TENM3: variants seen among roughly 807,000 people sequenced by gnomAD.
The protein encoded by TENM3 is teneurin transmembrane protein 3, also known as teneurin-3.
A neutral mutation model predicts 255.1 loss-of-function variants in TENM3; 63 were observed. The ratio of observed to expected loss-of-function variants is 0.25; its 90% CI spans 0.20 to 0.30. The LOEUF is 0.30. Among genes scored for constraint, TENM3 ranks in the 10% least tolerant of loss-of-function variants. TENM3 has a pLI of 1.00. For missense variants in TENM3, 2,929 were observed against 3,461.1 expected, an observed-to-expected ratio of 0.85 and a Z score of 3.86; for synonymous variants, 1,306 against 1,322.3, an observed-to-expected ratio of 0.99 and a Z score of 0.27.
At chr4:182,347,062 T>A in intron 3 of TENM3, 133 bp downstream of exon 3, 1 of 867,346 alleles carries the variant, frequency 1.2e-6, no homozygotes, top group South Asian at 2.0e-5. Flanking sequence ...TGTCCATTTC[T>A]TTTTGTTTTA....
At chr4:181,806,164 C>G in the TENM3 span, among the ~76,000 whole-genome samples, 1 of 152,160 alleles carries the variant, frequency 6.6e-6, no homozygotes, top group African/African-American at 2.4e-5. Context: ...ATCAATAATT[C>G]GCAGTTTGCT....
the TENM3 span, among the ~76,000 whole-genome samples, chr4:181,979,107 T>G: frequency 7.1e-5 from 1 of 14,038 alleles, no homozygotes; most frequent in Non-Finnish European, 1.5e-4. Context: ...CATATATATA[T>G]ATATATATAT....
the TENM3 span, among the ~76,000 whole-genome samples, chr4:181,741,144 G>T: frequency 6.6e-6 from 1 of 152,126 alleles, no homozygotes; most frequent in Non-Finnish European, 1.5e-5. Flanking sequence ...GAAGCCCAGC[G>T]TCCAATACAA....
chr4:181,717,524 A>C, the TENM3 span, among the ~76,000 whole-genome samples: 5 of 152,242 alleles, frequency 3.3e-5, no homozygotes, highest in Admixed American at 6.5e-5. Context: ...AGCACATTAT[A>C]GTGCCTGCCT....
chr4:182,717,828 G>C (rs548198211), intron 13 of TENM3, among the ~76,000 whole-genome samples: 1 of 152,328 alleles, frequency 6.6e-6, no homozygotes, highest in Non-Finnish European at 1.5e-5. Context: ...CAACAGTCCT[G>C]TAAATTGAGC....
At chr4:182,325,592 A>G (rs1233573383) in intron 2 of TENM3, among the ~76,000 whole-genome samples, 1 of 152,128 alleles carries the variant, frequency 6.6e-6, no homozygotes, top group African/African-American at 2.4e-5. Context: ...TTTTTTTCAT[A>G]TTGTCTGCAC....
intron 13 of TENM3, among the ~76,000 whole-genome samples, chr4:182,725,257 T>A (rs1760072083): frequency 6.6e-6 from 1 of 152,128 alleles, no homozygotes. Flanking sequence ...CAGGCCTGTC[T>A]TGAATTACTG....
the TENM3 span, among the ~76,000 whole-genome samples, chr4:181,589,551 TA>T: frequency 2.6e-5 from 4 of 152,126 alleles, no homozygotes; most frequent in African/African-American, 9.7e-5. Flanking sequence ...CTATAATGTT[TA>T]GGGGGGGCAA....
chr4:182,293,294 C>T (rs1395401762), intron 1 of TENM3, among the ~76,000 whole-genome samples: 2 of 152,192 alleles, frequency 1.3e-5, no homozygotes, highest in African/African-American at 4.8e-5. Context: ...AAACCAGCCT[C>T]CATCCAAACC....
At chr4:182,447,156 G>C (rs1772989688) in intron 3 of TENM3, among the ~76,000 whole-genome samples, 1 of 152,024 alleles carries the variant, frequency 6.6e-6, no homozygotes, top group South Asian at 2.1e-4. Flanking sequence ...TCTTCATAGT[G>C]TCCCAATTAA....
chr4:181,612,187 G>A, the TENM3 span, among the ~76,000 whole-genome samples: 4 of 152,148 alleles, frequency 2.6e-5, no homozygotes, highest in African/African-American at 9.7e-5. Context: ...TTTCAGAGAT[G>A]AGGGTCCCCT....
chr4:182,639,058 CAA>C (rs1752082194), intron 5 of TENM3, among the ~76,000 whole-genome samples: 1 of 152,126 alleles, frequency 6.6e-6, no homozygotes, highest in Admixed American at 6.5e-5. Flanking sequence ...TTTCTAATAT[CAA>C]AGTCAATTTC....
At chr4:182,493,745 A>C (rs1274584583) in intron 3 of TENM3, among the ~76,000 whole-genome samples, 1 of 152,152 alleles carries the variant, frequency 6.6e-6, no homozygotes, top group Non-Finnish European at 1.5e-5. Flanking sequence ...CGCTATATAC[A>C]TTAATGCTAA....
the TENM3 span, among the ~76,000 whole-genome samples, chr4:182,080,052 G>A: frequency 1.4e-4 from 21 of 152,272 alleles, no homozygotes; most frequent in East Asian, 1.5e-3. Flanking sequence ...CAATCCACTC[G>A]TCTTAACCAT....
chr4:182,346,797 T>TC lies in TENM3; in HGVS notation c.383dup (p.Glu129ArgfsTer41). ...TGATACTGAAAATGAAGCAGTGATG[T>TC]CCCCAGAGCATGCCATGAGACTTTG... On this transcript the variant is annotated frameshift_variant, in exon 3 of 28. Coordinates refer to ENST00000511685, the MANE Select transcript of TENM3 (RefSeq NM_001080477.4). LOFTEE classifies it high-confidence loss of function. 6.2e-7 allele frequency: 1 copy of TC among 1,613,554 alleles called. No individual in the cohort carries two copies. The highest frequency in any genetic ancestry group is 8.5e-7 in the Non-Finnish European group (1 of 1,179,738).
intron 5 of TENM3, among the ~76,000 whole-genome samples, chr4:182,639,021 A>T (rs1752079190): frequency 6.6e-6 from 1 of 152,034 alleles, no homozygotes; most frequent in South Asian, 2.1e-4. Flanking sequence ...ATTTTTGCTT[A>T]TTTTTTCATG....
intron 2 of TENM3, among the ~76,000 whole-genome samples, chr4:182,328,831 A>G (rs1763582746): frequency 6.6e-6 from 1 of 151,982 alleles, no homozygotes; most frequent in Non-Finnish European, 1.5e-5. Context: ...GGCCAGTTCA[A>G]GTGTAGTTTG....
chr4:181,862,182 AAGG>A, the TENM3 span, among the ~76,000 whole-genome samples: 6 of 152,196 alleles, frequency 3.9e-5, no homozygotes, highest in South Asian at 1.2e-3. Flanking sequence ...TAAGCTTAAA[AAGG>A]AGCAGGATAA....
chr4:181,624,670 C>T, the TENM3 span, among the ~76,000 whole-genome samples: 2 of 152,230 alleles, frequency 1.3e-5, no homozygotes, highest in Admixed American at 6.5e-5. Context: ...TGGATTTTCT[C>T]TATGCTTTCT....
Sources: gnomAD v4.1 joint callset for allele counts (sites outside exome capture counted in the v4.1 genomes callset) on GRCh38, gnomAD v4.1.1 for gene constraint, MANE v1.5 for transcripts, NCBI Gene and HGNC (gene_info 2026-07-23, HGNC 2026-07-21) for gene names.